ARMH3: variants seen among roughly 807,000 people sequenced by gnomAD.
ARMH3 encodes armadillo like helical domain containing 3, also known as armadillo-like helical domain-containing protein 3.
Under a neutral mutation model 99.1 loss-of-function variants are expected in ARMH3, and 60 were observed. That is an observed-to-expected ratio of 0.61 (90% CI 0.49 to 0.75). The LOEUF is 0.75. Among genes scored for constraint, ARMH3 ranks in the 30% least tolerant of loss-of-function variants. The probability of loss-of-function intolerance (pLI) is 0.00; values close to 1 mark genes in which losing one functional copy is unlikely to be tolerated. For synonymous variants in ARMH3, 285 were observed against 292.8 expected (o/e 0.97, Z 0.27); for missense variants, 679 against 843.1 (o/e 0.81, Z 2.41).
chr10:101,873,936 G>A (rs969954164), intron 24 of ARMH3, among the ~76,000 whole-genome samples: 13 of 152,052 alleles, frequency 8.5e-5, no homozygotes, highest in African/African-American at 2.9e-4. Flanking sequence ...AAATAATACC[G>A]CTATGAACAT....
At chr10:101,917,327 A>T (rs1785277650) in intron 23 of ARMH3, among the ~76,000 whole-genome samples, 2 of 152,206 alleles carry the variant, frequency 1.3e-5, no homozygotes, top group Non-Finnish European at 2.9e-5. Context: ...CCATTTCCAG[A>T]ATGTCATATA....
At position 101,894,926 on chromosome 10, in the gene ARMH3, A is replaced by G. The variant is rs542550874; in HGVS notation, c.1782-5436T>C. Among the ~76,000 whole-genome samples, 13 of 151,496 alleles carry G rather than the reference A, an allele frequency of 8.6e-5. No homozygotes were observed. The South Asian group carries it at 2.5e-3, about 29-fold the overall frequency. On this transcript the variant is annotated intron_variant, in intron 23 of 25. Transcript: ENST00000370033. ...CTCTCTTGCTATCTGTCACATGACG[A>G]CACAGTGAGAAGGCTGCCATCTCAT...
chr10:101,857,623 C>T (rs1353110492), intron 24 of ARMH3, among the ~76,000 whole-genome samples: 1 of 152,180 alleles, frequency 6.6e-6, no homozygotes, highest in Non-Finnish European at 1.5e-5. Flanking sequence ...TACCATTTGT[C>T]AGCCAGAAAG....
At chr10:102,034,263 A>G (rs2067198013) in intron 2 of ARMH3, among the ~76,000 whole-genome samples, 2 of 152,224 alleles carry the variant, frequency 1.3e-5, no homozygotes, top group Admixed American at 1.3e-4. Context: ...TTATCATGCT[A>G]AAATCCAAAA....
intron 22 of ARMH3, among the ~76,000 whole-genome samples, chr10:101,944,738 C>T (rs560218218): frequency 1.1e-4 from 17 of 151,950 alleles, no homozygotes; most frequent in African/African-American, 3.4e-4. Context: ...CGCTTGAACC[C>T]GGGAGACAGA....
chr10:101,889,336 C>T, intron 24 of ARMH3, 76 bp downstream of exon 24: 1 of 1,367,616 alleles, frequency 7.3e-7, no homozygotes, highest in East Asian at 2.3e-5. Flanking sequence ...GTCACAGAAT[C>T]CCCCTGCCAT....
At chr10:101,961,085 C>T (rs1408515995) in intron 20 of ARMH3, among the ~76,000 whole-genome samples, 4 of 152,066 alleles carry the variant, frequency 2.6e-5, no homozygotes, top group Non-Finnish European at 4.4e-5. Flanking sequence ...TATTTGGTCC[C>T]CATTTTCCCT....
At chr10:101,912,031 T>TCAA (rs934039277) in intron 23 of ARMH3, among the ~76,000 whole-genome samples, 2 of 149,678 alleles carry the variant, frequency 1.3e-5, no homozygotes, top group East Asian at 2.0e-4. Context: ...AGACTCCATC[T>TCAA]CAACAACAAC....
intron 24 of ARMH3, among the ~76,000 whole-genome samples, chr10:101,876,918 T>TA (rs1485317745): frequency 2.0e-5 from 3 of 152,122 alleles, no homozygotes; most frequent in South Asian, 2.1e-4. Flanking sequence ...CTTCAAAAGC[T>TA]GACTACTGGC....
intron 23 of ARMH3, among the ~76,000 whole-genome samples, chr10:101,899,643 T>C (rs2067926043): frequency 6.6e-6 from 1 of 152,198 alleles, no homozygotes. Flanking sequence ...TGATTAACAT[T>C]AAACAAAATA....
chr10:101,853,777 C>G (rs1336673550), intron 24 of ARMH3, among the ~76,000 whole-genome samples: 1 of 152,152 alleles, frequency 6.6e-6, no homozygotes, highest in Non-Finnish European at 1.5e-5. Context: ...ACCTATGACC[C>G]TTAGGAGACA....
intron 24 of ARMH3, among the ~76,000 whole-genome samples, chr10:101,864,078 A>ACAC (rs1368002043): frequency 2.4e-4 from 26 of 106,270 alleles, no homozygotes; most frequent in South Asian, 1.4e-3. Context: ...AAAAAAAAAA[A>ACAC]ACACACACAC....
intron 10 of ARMH3, 73 bp from the exon 11 acceptor site, chr10:102,011,856 A>G (rs2066637111): frequency 3.2e-6 from 4 of 1,258,320 alleles, no homozygotes; most frequent in South Asian, 2.6e-5. Context: ...ATTTGGGGTA[A>G]TCAGGGCAGA....
At chr10:101,944,242 C>A (rs1254896081) in intron 22 of ARMH3, among the ~76,000 whole-genome samples, 3 of 24,322 alleles carry the variant, frequency 1.2e-4, no homozygotes, top group South Asian at 1.7e-3. Context: ...TTGCTTGAGC[C>A]TATATATATA....
At chr10:101,881,705 T>C (rs898881975) in intron 24 of ARMH3, among the ~76,000 whole-genome samples, 5 of 152,170 alleles carry the variant, frequency 3.3e-5, no homozygotes, top group East Asian at 1.9e-4. Context: ...GTCAGTGCGA[T>C]AGGGATTATG....
intron 24 of ARMH3, among the ~76,000 whole-genome samples, chr10:101,851,526 G>A (rs2066600586): frequency 6.6e-6 from 1 of 152,190 alleles, no homozygotes; most frequent in South Asian, 2.1e-4. Flanking sequence ...GGGTTGGGAA[G>A]AGGAAATAAG....
intron 2 of ARMH3, among the ~76,000 whole-genome samples, chr10:102,035,266 G>C (rs1386608151): frequency 6.6e-6 from 1 of 152,168 alleles, no homozygotes; most frequent in Non-Finnish European, 1.5e-5. Context: ...TCAGGAGGCT[G>C]AGGCAGGAGA....
At chr10:102,016,227 T>G (rs1054262562) in intron 8 of ARMH3, among the ~76,000 whole-genome samples, 1 of 152,312 alleles carries the variant, frequency 6.6e-6, no homozygotes, top group African/African-American at 2.4e-5. Flanking sequence ...CACTTAGCTG[T>G]TAAGCATCCC....
chr10:101,995,837 C>T (rs1465105913), intron 15 of ARMH3, among the ~76,000 whole-genome samples: 3 of 152,200 alleles, frequency 2.0e-5, no homozygotes, highest in South Asian at 2.1e-4. Flanking sequence ...GTCCAGCCCA[C>T]GCTTCTCCTT....
Sources: gnomAD v4.1 joint callset for allele counts (sites outside exome capture counted in the v4.1 genomes callset) on GRCh38, gnomAD v4.1.1 for gene constraint, MANE v1.5 for transcripts, NCBI Gene and HGNC (gene_info 2026-07-23, HGNC 2026-07-21) for gene names.